AACS: variants seen among roughly 807,000 people sequenced by gnomAD.
The protein encoded by AACS is acetoacetate-CoA ligase.
Under a neutral mutation model 83.1 loss-of-function variants are expected in AACS, and 69 were observed. The ratio of observed to expected loss-of-function variants is 0.83; its 90% CI spans 0.68 to 1.01. The LOEUF is 1.01. Ranked by LOEUF, AACS falls within the 50% of genes least tolerant of loss-of-function variation. AACS has a pLI of 0.00. For synonymous variants in AACS, 333 were observed against 343.4 expected (o/e 0.97, Z 0.33); for missense variants, 866 against 882.2 (o/e 0.98, Z 0.23).
chr12:125,085,875 G>A (rs570092281), intron 3 of AACS, among the ~76,000 whole-genome samples: 1 of 152,288 alleles, frequency 6.6e-6, no homozygotes, highest in African/African-American at 2.4e-5. Context: ...GAGGTCAGTG[G>A]TGTGATCATG....
Position 125,069,638 on chromosome 12 carries a change from C to G in AACS, c.133+3921C>G, listed in dbSNP as rs1163607535. On this transcript the variant is annotated intron_variant, in intron 1 of 17. Transcript: ENST00000316519. ...AGCTCTGGCAGACATGCTGCATGTA[C>G]TAGCCCTCTGTAATTAGGAGGCAGG... 1.3e-5 allele frequency among the ~76,000 whole-genome samples: 2 copies of G among 152,226 alleles called. 1 individual carries two copies. Among genetic ancestry groups the G allele is most frequent in the East Asian group, 3.8e-4 (2 of 5,202 alleles).
At chr12:125,116,669 G>T (rs1214312394) in intron 9 of AACS, among the ~76,000 whole-genome samples, 1 of 152,056 alleles carries the variant, frequency 6.6e-6, no homozygotes, top group East Asian at 1.9e-4. Context: ...GTTTCACCGT[G>T]TTGGCCAGGA....
At chr12:125,079,512 G>A (rs1293023081) in intron 3 of AACS, among the ~76,000 whole-genome samples, 2 of 152,112 alleles carry the variant, frequency 1.3e-5, no homozygotes, top group Admixed American at 6.5e-5. Context: ...CTCCTGAGTA[G>A]CTGGGATCAC....
intron 4 of AACS, among the ~76,000 whole-genome samples, chr12:125,090,354 T>A (rs991606311): frequency 3.8e-5 from 2 of 52,688 alleles, no homozygotes; most frequent in African/African-American, 1.4e-4. Flanking sequence ...CCTACCCATT[T>A]ATCCGTCATC....
At chr12:125,122,527 C>T (rs1339355567) in intron 10 of AACS, 1 of 151,644 alleles carries the variant, frequency 6.6e-6, no homozygotes, top group Admixed American at 6.6e-5. Context: ...CCTGTAATCC[C>T]AGCTACTTGG....
chr12:125,065,832 T>A, intron 1 of AACS, 115 bp downstream of exon 1: 1 of 1,366,658 alleles, frequency 7.3e-7, no homozygotes, highest in Non-Finnish European at 9.5e-7. Context: ...AGCCACTTGA[T>A]GGCGGGGAGG....
rs1451832924 is a variant in AACS, at chr12:125,129,561, C to T, written c.1549+101C>T. 3 of 1,448,014 alleles carry T rather than the reference C, an allele frequency of 2.1e-6. No homozygotes were observed. The highest frequency in any genetic ancestry group is 1.9e-4 in the Middle Eastern group (1 of 5,366). The allele number at this position is 1,448,014 out of a possible 1,614,324, so 89.7% of individuals were successfully genotyped here. A position where few individuals can be genotyped will look rare whatever the true frequency, so the allele number is the denominator to read the frequency against. On this transcript the variant is annotated intron_variant, in intron 14 of 17. Coordinates refer to ENST00000316519, the MANE Select transcript of AACS (RefSeq NM_023928.5). This position sits in a 1 kb window ranked among gnomAD's most constrained non-coding sequence, Gnocchi z 4.3. ...CGTGCCCCTCCCCTCTTCCTTCCCC[C>T]ACCAGGGCTTGGAGAAGCTGCTTAT...
At position 125,128,236 on chromosome 12, in the gene AACS, G is replaced by A. The variant is rs139221522; in HGVS notation, c.1385G>A (p.Arg462Gln). 1.1e-4 allele frequency: 173 copies of A among 1,612,976 alleles called. 1 individual carries two copies. Among genetic ancestry groups the A allele is most frequent in the Non-Finnish European group, 1.3e-4 (153 of 1,179,310 alleles). ...LPVYKGEIQA[R>Q]NLGMAVEAWN... Reference sequence around the variant, plus strand: ...GTGTATAAAGGGGAGATTCAGGCCCGGAACCTGGGCATGGCCGTGGAAGCG... The same window carrying A: ...GTGTATAAAGGGGAGATTCAGGCCCAGAACCTGGGCATGGCCGTGGAAGCG... Residue 462 changes from arginine (R) to glutamine (Q), a missense_variant, in exon 13 of 18, where the codon CGG becomes CAG. Transcript: ENST00000316519.
intron 7 of AACS, among the ~76,000 whole-genome samples, chr12:125,104,307 G>A (rs960320186): frequency 2.6e-5 from 4 of 152,242 alleles, no homozygotes; most frequent in Non-Finnish European, 5.9e-5. Context: ...GGGACCAGAG[G>A]TGGAAGAGAG....
chr12:125,132,464 C>G (rs1957341891), intron 14 of AACS, among the ~76,000 whole-genome samples: 1 of 152,194 alleles, frequency 6.6e-6, no homozygotes, highest in South Asian at 2.1e-4. Flanking sequence ...GTGAGCGGCA[C>G]AGGCTTGCAG....
At chr12:125,123,599 C>T (rs1169145491) in intron 10 of AACS, 1 of 152,252 alleles carries the variant, frequency 6.6e-6, no homozygotes, top group Non-Finnish European at 1.5e-5. Flanking sequence ...CCCAGCCAGC[C>T]CTGAATTCCG....
At chr12:125,068,843 C>CT (rs11333763) in intron 1 of AACS, among the ~76,000 whole-genome samples, 41 of 138,848 alleles carry the variant, frequency 3.0e-4, no homozygotes, top group Admixed American at 5.8e-4. Context: ...TGTGAGCATT[C>CT]TTTTTTTTTT....
In AACS at chr12:125,097,960, G is replaced by T. The variant is rs1027509377; in HGVS notation, c.571-4719G>T. ...CCGGCTAGGCACTGCCATCTCTCAC[G>T]CGTGCCGTCGTAGTAGCTTCCGACC... is the stretch of plus-strand genomic sequence containing the variant. On this transcript the variant is annotated intron_variant, in intron 5 of 17. Transcript: ENST00000316519. This position sits in a 1 kb window ranked among gnomAD's most constrained non-coding sequence, Gnocchi z 4.3. Among the ~76,000 whole-genome samples, 1 of 152,180 alleles carries T rather than the reference G, an allele frequency of 6.6e-6. No individual in the cohort carries two copies. The highest frequency in any genetic ancestry group is 1.5e-5 in the Non-Finnish European group (1 of 68,038).
At chr12:125,102,574 C>T (rs1387888046) in intron 5 of AACS, 105 bp from the exon 6 acceptor site, 1 of 930,252 alleles carries the variant, frequency 1.1e-6, no homozygotes, top group African/African-American at 1.6e-5. Context: ...AAGCAATCCT[C>T]CCACCTCAGC....
rs758713898 is a variant in AACS, at chr12:125,136,803, TC to T, written c.1822del (p.Arg608AlafsTer106). On this transcript the variant is annotated frameshift_variant, in exon 17 of 18. Coordinates refer to ENST00000316519, the MANE Select transcript of AACS (RefSeq NM_023928.5). LOFTEE classifies it high-confidence loss of function. The part of the protein sequence containing the change: ...PDLVKRIRDA[I>X]RMGLSARHVP... ...TTGGTTAAGAGGATCCGTGACGCCA[TC>T]CGCATGGGCTTGTCTGCGCGACACG... 1.9e-6 allele frequency: 3 copies of T among 1,614,060 alleles called. No individual in the cohort carries two copies. Among genetic ancestry groups the T allele is most frequent in the East Asian group, 2.2e-5 (1 of 44,852 alleles).
At chr12:125,068,031 A>G (rs1385372778) in intron 1 of AACS, among the ~76,000 whole-genome samples, 1 of 152,178 alleles carries the variant, frequency 6.6e-6, no homozygotes, top group Non-Finnish European at 1.5e-5. Flanking sequence ...GTTGTGGAGT[A>G]AACATGAGCA....
intron 1 of AACS, among the ~76,000 whole-genome samples, chr12:125,069,391 G>A (rs899427552): frequency 3.9e-5 from 6 of 152,218 alleles, no homozygotes; most frequent in African/African-American, 1.4e-4. Context: ...TTGGCAGGAC[G>A]TTTCTATCCC....
chr12:125,086,544 A>G (rs1592955985), intron 4 of AACS, 101 bp downstream of exon 4: 1 of 1,050,938 alleles, frequency 9.5e-7, no homozygotes, highest in Non-Finnish European at 1.4e-6. Context: ...GAGTCATGTC[A>G]TATTACATGG....
At chr12:125,099,196 G>A (rs937967919) in intron 5 of AACS, among the ~76,000 whole-genome samples, 6 of 152,194 alleles carry the variant, frequency 3.9e-5, no homozygotes, top group South Asian at 2.1e-4. Context: ...TGCTGTAGTC[G>A]ATAACATTGG....
Sources: gnomAD v4.1 joint callset for allele counts (sites outside exome capture counted in the v4.1 genomes callset) on GRCh38, gnomAD v4.1.1 for gene constraint, Gnocchi (gnomAD v3.1) non-coding constraint, MANE v1.5 for transcripts, NCBI Gene and HGNC (gene_info 2026-07-23, HGNC 2026-07-21) for gene names.